FGF5: variants seen among roughly 807,000 people sequenced by gnomAD.
The protein encoded by FGF5 is heparin-binding growth factor 5.
In FGF5, 23 loss-of-function variants were observed where a neutral mutation model predicts 21.8. The observed-to-expected ratio is 1.05, with a 90% CI of 0.76 to 1.49. FGF5 has a LOEUF of 1.49. Ranked by LOEUF, FGF5 falls within the 40% of genes most tolerant of loss-of-function variation. The pLI is 0.00. For synonymous variants in FGF5, 158 were observed against 124.0 expected, an observed-to-expected ratio of 1.27 and a Z score of -1.82; for missense variants, 352 against 332.9, an observed-to-expected ratio of 1.06 and a Z score of -0.45.
At position 80,274,925 on chromosome 4, in the gene FGF5, TG is replaced by T; in HGVS notation, c.373del (p.Ala125LeufsTer7). On this transcript the variant is annotated frameshift_variant, in exon 2 of 3. Transcript: ENST00000312465. LOFTEE classifies it high-confidence loss of function. ...TCATCCTAGGTGTTTTGGAAATATTTGCTGTGTCTCAGGGGATTGTAGGAAT... is the reference window on the plus strand; with the variant it reads ...TCATCCTAGGTGTTTTGGAAATATTTCTGTGTCTCAGGGGATTGTAGGAAT... ...ANMLSVLEIF[A>X]VSQGIVGIRG... is the part of the protein sequence containing the mutation. 6.4e-7 allele frequency: 1 copy of T among 1,568,206 alleles called. No individual in the cohort carries two copies.
At position 80,268,598 on chromosome 4, in the gene FGF5, G is replaced by T. The variant is rs996028158; in HGVS notation, c.355+1419G>T. On this transcript the variant is annotated intron_variant, in intron 1 of 2. Transcript: ENST00000312465. ...GGCGGTAGGCTGGCTAGCCTCCTCC[G>T]GTGGGTTAAGGGGGCCTAATGCGGA... The T allele has an allele frequency of 1.3e-5, 11 of 847,784 alleles. No individual in the cohort carries two copies. The African/African-American group carries it at 1.5e-4, about 11-fold the overall frequency. 52.5% of individuals were successfully genotyped at this position (847,784 alleles called of 1,614,324 possible). A position where few individuals can be genotyped will look rare whatever the true frequency, so the allele number is the denominator to read the frequency against.
intron 1 of FGF5, among the ~76,000 whole-genome samples, chr4:80,270,559 A>T (rs1309505999): frequency 1.3e-5 from 2 of 152,220 alleles, no homozygotes; most frequent in East Asian, 3.8e-4. Flanking sequence ...ATAAATCCTT[A>T]TTATGAGGAA....
At chr4:80,280,261 G>A (rs964981024) in intron 2 of FGF5, among the ~76,000 whole-genome samples, 6 of 152,196 alleles carry the variant, frequency 3.9e-5, no homozygotes, top group African/African-American at 7.2e-5. Context: ...CTCTGCCTTC[G>A]CAGTAAATGC....
chr4:80,273,673 C>G (rs1042382240), intron 1 of FGF5, among the ~76,000 whole-genome samples: 2 of 151,648 alleles, frequency 1.3e-5, no homozygotes, highest in Admixed American at 6.6e-5. Flanking sequence ...TTTTTCCATC[C>G]CTTTCCTTCT....
chr4:80,283,386 G>A (rs1383910608), intron 2 of FGF5, among the ~76,000 whole-genome samples: 1 of 152,012 alleles, frequency 6.6e-6, no homozygotes, highest in African/African-American at 2.4e-5. Flanking sequence ...TATGAATCTC[G>A]AGGAAAAGAG....
chr4:80,268,628 C>A, intron 1 of FGF5: 1 of 526,362 alleles, frequency 1.9e-6, no homozygotes, highest in Non-Finnish European at 2.4e-6. Flanking sequence ...TGCGGAAGAC[C>A]TGATGGTTCA....
intron 2 of FGF5, among the ~76,000 whole-genome samples, chr4:80,285,053 A>G (rs1176878160): frequency 1.3e-5 from 2 of 152,186 alleles, no homozygotes; most frequent in Non-Finnish European, 2.9e-5. Flanking sequence ...AAGTTTGATG[A>G]AAGCTACAGA....
chr4:80,286,257 C>T (rs1012138298), intron 2 of FGF5, 68 bp from the exon 3 acceptor site: 59 of 1,050,094 alleles, frequency 5.6e-5, no homozygotes, highest in Non-Finnish European at 7.0e-5. Flanking sequence ...TTCTACAATA[C>T]CTTATGTTTT....
At chr4:80,284,075 C>T (rs34554001) in intron 2 of FGF5, among the ~76,000 whole-genome samples, 15,144 of 152,224 alleles carry the variant, frequency 0.099, 918 homozygotes, top group African/African-American at 0.17. Context: ...GGCCTAAATG[C>T]AGGCTGGCAA....
At chr4:80,267,321 C>A (rs1720125208) in intron 1 of FGF5, 142 bp downstream of exon 1, 2 of 679,066 alleles carry the variant, frequency 2.9e-6, no homozygotes, top group Non-Finnish European at 2.4e-6. Flanking sequence ...AACAGCCGGG[C>A]GGGTTGGGTG....
intron 2 of FGF5, among the ~76,000 whole-genome samples, chr4:80,279,447 C>T (rs1313143364): frequency 6.6e-6 from 1 of 152,118 alleles, no homozygotes; most frequent in East Asian, 1.9e-4. Context: ...GCAACTGTGA[C>T]CCTTAAATTA....
chr4:80,276,102 C>A (rs1720403641), intron 2 of FGF5, among the ~76,000 whole-genome samples: 1 of 151,890 alleles, frequency 6.6e-6, no homozygotes, highest in Admixed American at 6.6e-5. Context: ...TTGTTAATAT[C>A]TTTTGGAAGA....
chr4:80,276,647 C>T (rs1434923328), intron 2 of FGF5, among the ~76,000 whole-genome samples: 1 of 151,652 alleles, frequency 6.6e-6, no homozygotes, highest in African/African-American at 2.4e-5. Context: ...CCAGCCCCCT[C>T]CCCTTTCCCC....
chr4:80,273,581 C>T (rs556249881), intron 1 of FGF5, among the ~76,000 whole-genome samples: 1 of 152,200 alleles, frequency 6.6e-6, no homozygotes, highest in African/African-American at 2.4e-5. Context: ...TGATGAATTT[C>T]TCTATTTGGC....
intron 1 of FGF5, among the ~76,000 whole-genome samples, chr4:80,271,542 CAGG>C (rs1376156530): frequency 2.6e-5 from 4 of 152,142 alleles, no homozygotes. Flanking sequence ...CCTTCTCAAG[CAGG>C]AGAAGGCCAC....
intron 1 of FGF5, among the ~76,000 whole-genome samples, chr4:80,270,084 T>C (rs1328117310): frequency 6.6e-6 from 1 of 152,248 alleles, no homozygotes; most frequent in East Asian, 1.9e-4. Context: ...TTAGAGTATG[T>C]GAGGAAATGT....
chr4:80,273,302 T>C (rs1720321714), intron 1 of FGF5, among the ~76,000 whole-genome samples: 1 of 152,092 alleles, frequency 6.6e-6, no homozygotes, highest in Non-Finnish European at 1.5e-5. Context: ...TTTTATTTAC[T>C]TTGGGCTAAA....
intron 1 of FGF5, 131 bp downstream of exon 1, chr4:80,267,310 A>G (rs1578289464): frequency 1.4e-6 from 1 of 720,242 alleles, no homozygotes. Flanking sequence ...TGATACTCAG[A>G]AACAGCCGGG....
chr4:80,284,887 G>C (rs1720665257), intron 2 of FGF5, among the ~76,000 whole-genome samples: 1 of 152,178 alleles, frequency 6.6e-6, no homozygotes, highest in Non-Finnish European at 1.5e-5. Flanking sequence ...TGATATAGAA[G>C]TATGTAGCTT....
Sources: gnomAD v4.1 joint callset for allele counts (sites outside exome capture counted in the v4.1 genomes callset) on GRCh38, gnomAD v4.1.1 for gene constraint, MANE v1.5 for transcripts, NCBI Gene and HGNC (gene_info 2026-07-23, HGNC 2026-07-21) for gene names.